MAPKBP1: variants seen among roughly 807,000 people sequenced by gnomAD.
The protein encoded by MAPKBP1 is mitogen-activated protein kinase binding protein 1.
MAPKBP1 carries 71 observed loss-of-function variants against 170.5 expected under a neutral mutation model. That is an observed-to-expected ratio of 0.42 (90% CI 0.34 to 0.51). The LOEUF (loss-of-function observed/expected upper bound fraction) is 0.51. MAPKBP1 is among the 20% of genes least tolerant of loss of function. The probability of loss-of-function intolerance (pLI) is 0.06; values close to 1 mark genes in which losing one functional copy is unlikely to be tolerated. For missense variants in MAPKBP1, 1,598 were observed against 1,933.0 expected (o/e 0.83, Z 3.25); for synonymous variants, 719 against 757.9 (o/e 0.95, Z 0.84).
intron 20 of MAPKBP1, 102 bp from the exon 21 acceptor site, chr15:41,819,144 C>A: frequency 1.3e-6 from 2 of 1,488,498 alleles, no homozygotes; most frequent in Admixed American, 3.5e-5. Flanking sequence ...TATTGAGTCT[C>A]ATCTTCCCCT....
chr15:41,822,789 C>T (rs1442754448), intron 27 of MAPKBP1, 112 bp downstream of exon 27: 4 of 1,472,736 alleles, frequency 2.7e-6, no homozygotes, highest in Admixed American at 1.8e-5. Context: ...GTTTTGCACT[C>T]CCAGTTTTGG....
At chr15:41,789,007 TC>T (rs2064347665) in intron 2 of MAPKBP1, among the ~76,000 whole-genome samples, 2 of 152,210 alleles carry the variant, frequency 1.3e-5, no homozygotes, top group Admixed American at 1.3e-4. Context: ...GAGGAAACCT[TC>T]CTTCTTCCCT....
At chr15:41,781,549 G>A (rs1008671055) in intron 2 of MAPKBP1, among the ~76,000 whole-genome samples, 5 of 142,364 alleles carry the variant, frequency 3.5e-5, no homozygotes, top group Non-Finnish European at 7.6e-5. Context: ...AGGCTGAGGC[G>A]GGATGATTGC....
Position 41,813,458 on chromosome 15 carries a change from G to A in MAPKBP1, c.820-163G>A, listed in dbSNP as rs2064838560. The A allele has an allele frequency of 1.5e-5, 22 of 1,422,490 alleles. No homozygotes were observed. In the South Asian group the frequency reaches 2.5e-4, roughly 16 times the overall value. The allele number at this position is 1,422,490 out of a possible 1,614,324, so 88.1% of individuals were successfully genotyped here. On this transcript the variant is annotated intron_variant, in intron 8 of 30. Transcript: ENST00000457542. The stretch of plus-strand genomic sequence containing the variant: ...GAAGAATCCTCGGTTCCTAATCCCT[G>A]GCTGGACAGGGCTGAGGGGCTCAGA...
rs1482179458 is a variant in MAPKBP1 at position 41,825,268 on chromosome 15, C to G, written c.4359C>G (p.Asp1453Glu). 1.2e-6 allele frequency: 2 copies of G among 1,608,484 alleles called. No homozygotes were observed. Among genetic ancestry groups the G allele is most frequent in the Non-Finnish European group, 1.7e-6 (2 of 1,175,798 alleles). ...GTCGGATTGCCCAGCTCCTCAGAGA[C>G]ACCTTCTCTTCAGTGCGACAGGAGC... ...EQSRIAQLLR[D>E]TFSSVRQELE... The change falls in exon 31 of 31, where the codon GAC (aspartate) becomes GAG (glutamate). Residue 1453 changes from aspartate to glutamate, a missense_variant. Asp to Glu is a conservative substitution (Grantham distance 45, BLOSUM62 2). This residue lies in a region of MAPKBP1 where 942 missense variants were observed against 953.2 expected (regional missense o/e 0.99). Transcript: ENST00000457542.
At chr15:41,809,934 G>A (rs974175808) in intron 3 of MAPKBP1, among the ~76,000 whole-genome samples, 4 of 152,174 alleles carry the variant, frequency 2.6e-5, no homozygotes, top group Non-Finnish European at 4.4e-5. Flanking sequence ...GTGGGGCTTG[G>A]GACCTCTGTG....
chr15:41,798,121 G>A (rs1035216888), intron 2 of MAPKBP1, among the ~76,000 whole-genome samples: 1 of 150,900 alleles, frequency 6.6e-6, no homozygotes, highest in African/African-American at 2.4e-5. Flanking sequence ...GTGGTGGCGG[G>A]TGCCTGTAGT....
intron 2 of MAPKBP1, among the ~76,000 whole-genome samples, chr15:41,782,157 G>A (rs1320315614): frequency 6.7e-6 from 1 of 150,238 alleles, no homozygotes. Context: ...AGCTACTCGC[G>A]AGGCTGAGGC....
chr15:41,822,866 G>A lies in MAPKBP1; in HGVS notation c.3315-73G>A, dbSNP rs558561414. 3 of 1,532,014 alleles carry A rather than the reference G, an allele frequency of 2.0e-6. No individual in the cohort carries two copies. The South Asian group carries it at 3.7e-5, about 19-fold the overall frequency. 94.9% of individuals were successfully genotyped at this position (1,532,014 alleles called of 1,614,324 possible). On this transcript the variant is annotated intron_variant, in intron 27 of 30. Transcript: ENST00000457542. The stretch of plus-strand genomic sequence containing the variant: ...TTCTCTCCTAGTGCCCTGGTGCTAT[G>A]AGTTTCTCGCCATTTTGGCAGGGAG...
chr15:41,817,116 G>T lies in MAPKBP1; in HGVS notation c.1711+81G>T, dbSNP rs1200254381. On this transcript the variant is annotated intron_variant, in intron 14 of 30. Transcript: ENST00000457542. This position sits in a 1 kb window ranked among gnomAD's most constrained non-coding sequence, Gnocchi z 4.2. ...CCTCCCACCTCCATGAGAAGGGTCT[G>T]CCCATTGTGGGGGAGTGTTGGACAG... 4 of 1,523,584 alleles carry T rather than the reference G, an allele frequency of 2.6e-6. No individual in the cohort carries two copies. Among genetic ancestry groups the T allele is most frequent in the Non-Finnish European group, 3.5e-6 (4 of 1,134,004 alleles). 94.4% of individuals were successfully genotyped at this position (1,523,584 alleles called of 1,614,324 possible).
chr15:41,808,552 T>G (rs1331051898), intron 3 of MAPKBP1, among the ~76,000 whole-genome samples: 1 of 151,224 alleles, frequency 6.6e-6, no homozygotes, highest in Admixed American at 6.6e-5. Context: ...CTCAACTCAT[T>G]GCAACCTTCA....
chr15:41,797,733 G>A (rs555153801), intron 2 of MAPKBP1, among the ~76,000 whole-genome samples: 1 of 152,182 alleles, frequency 6.6e-6, no homozygotes, highest in Non-Finnish European at 1.5e-5. Context: ...TGCTTGCCAG[G>A]TGGCTGTGGG....
At chr15:41,819,102 G>T (rs1334643942) in intron 20 of MAPKBP1, 144 bp from the exon 21 acceptor site, 8 of 1,440,726 alleles carry the variant, frequency 5.6e-6, no homozygotes, top group Non-Finnish European at 7.6e-6. Flanking sequence ...CATGATGTCA[G>T]CCTCTTCCCC....
At chr15:41,807,467 A>G (rs2064718926) in intron 3 of MAPKBP1, among the ~76,000 whole-genome samples, 1 of 152,228 alleles carries the variant, frequency 6.6e-6, no homozygotes, top group African/African-American at 2.4e-5. Flanking sequence ...GGTTGGCTGG[A>G]TTATGCATCG....
chr15:41,817,898 G>C lies in MAPKBP1; in HGVS notation c.1905-111G>C, dbSNP rs2064920895. 6.6e-7 allele frequency: 1 copy of C among 1,517,696 alleles called. No homozygotes were observed. Among genetic ancestry groups the C allele is most frequent in the Admixed American group, 1.7e-5 (1 of 59,220 alleles). The allele number at this position is 1,517,696 out of a possible 1,614,324, so 94.0% of individuals were successfully genotyped here. On this transcript the variant is annotated intron_variant, in intron 16 of 30. Transcript: ENST00000457542. This position sits in a 1 kb window ranked among gnomAD's most constrained non-coding sequence, Gnocchi z 4.2. ...AAGAGGTGGTAGCCTGTTTGCTGCT[G>C]GGGGTAGCTCCCAGAGAGTGTAGAC...
Position 41,822,596 on chromosome 15 carries a change from C to T in MAPKBP1, c.3233C>T (p.Ala1078Val), listed in dbSNP as rs781438383. 1.4e-5 allele frequency: 22 copies of T among 1,613,724 alleles called. No homozygotes were observed. The highest frequency in any genetic ancestry group is 1.3e-4 in the Admixed American group (8 of 59,986). ...ETLASGAAPG[A>V]PVQVPERSES... is the part of the protein sequence containing the mutation. The stretch of plus-strand genomic sequence containing the variant: ...ATGATTTCTCTGACCTTGGTAGGGG[C>T]CCCAGTGCAGGTCCCAGAGAGGTCA... The change falls in exon 27 of 31, where the codon GCC (alanine) becomes GTC (valine). Residue 1078 changes from alanine (A) to valine (V), a missense_variant. By Grantham distance (64) the Ala-to-Val change is moderately conservative. Coordinates refer to ENST00000457542, the MANE Select transcript of MAPKBP1 (RefSeq NM_014994.3).
intron 8 of MAPKBP1, 126 bp downstream of exon 8, chr15:41,813,227 TGGG>T (rs1369357548): frequency 9.9e-6 from 15 of 1,512,262 alleles, no homozygotes; most frequent in Non-Finnish European, 1.3e-5. Context: ...GAACGAAGCT[TGGG>T]GGAGCTAGAG....
chr15:41,783,977 C>T (rs2064235888), intron 2 of MAPKBP1, among the ~76,000 whole-genome samples: 1 of 152,128 alleles, frequency 6.6e-6, no homozygotes, highest in African/African-American at 2.4e-5. Flanking sequence ...CCACTGCACT[C>T]CAGCCTGGGT....
chr15:41,821,541 T>C, intron 23 of MAPKBP1, 43 bp from the exon 24 acceptor site: 1 of 1,585,872 alleles, frequency 6.3e-7, no homozygotes, highest in East Asian at 2.3e-5. Flanking sequence ...CACTGCCTCA[T>C]CTGTCACCTC....
Sources: allele counts gnomAD v4.1 joint callset (sites outside exome capture counted in the v4.1 genomes callset), GRCh38; gene constraint gnomAD v4.1.1; regional missense constraint gnomAD v4.1.1; non-coding constraint Gnocchi (gnomAD v3.1); transcripts MANE v1.5; gene names NCBI Gene and HGNC (gene_info 2026-07-23, HGNC 2026-07-21).